The following EDN3 variants were observed in gnomAD, a reference collection of about 807,000 sequenced individuals.
EDN3 encodes endothelin-3.
Under a neutral mutation model 21.4 loss-of-function variants are expected in EDN3, and 9 were observed. The observed-to-expected ratio is 0.42, with a 90% CI of 0.25 to 0.73. The LOEUF is 0.73. Among genes scored for constraint, EDN3 ranks in the 30% least tolerant of loss-of-function variants. The pLI is 0.26. For missense variants in EDN3, 327 were observed against 309.4 expected (o/e 1.06, Z -0.43); for synonymous variants, 133 against 126.2 (o/e 1.05, Z -0.36).
chr20:59,311,997 T>C (rs1039324309), intron 2 of EDN3, among the ~76,000 whole-genome samples: 2 of 152,134 alleles, frequency 1.3e-5, no homozygotes, highest in South Asian at 2.1e-4. Context: ...TTCTCTTGCT[T>C]TCTTTAAATT....
chr20:59,313,265 G>T (rs1169461575), intron 2 of EDN3, among the ~76,000 whole-genome samples: 1 of 152,310 alleles, frequency 6.6e-6, no homozygotes, highest in Middle Eastern at 3.4e-3. Flanking sequence ...AGCCAGACAT[G>T]GTGTCAGCTG....
rs3026576 is a variant in EDN3 at position 59,324,611 on chromosome 20, G to C, written c.*152G>C. ...CCACTTAACAATACCCCCCCCCCACGGCAAGAATGCCCAAATCCGAATGAC... is the reference window on the plus strand; with the variant it reads ...CCACTTAACAATACCCCCCCCCCACCGCAAGAATGCCCAAATCCGAATGAC... On this transcript the variant is annotated 3_prime_UTR_variant, in exon 5 of 5. Transcript: ENST00000337938. The C allele has an allele frequency of 4.8e-6, 5 of 1,040,400 alleles. No homozygotes were observed. In the Admixed American group the frequency reaches 6.4e-5, roughly 13 times the overall value. The allele number at this position is 1,040,400 out of a possible 1,614,324, so 64.4% of individuals were successfully genotyped here. A position where few individuals can be genotyped will look rare whatever the true frequency, so the allele number is the denominator to read the frequency against.
At chr20:59,321,680 A>G (rs1990558420) in intron 3 of EDN3, among the ~76,000 whole-genome samples, 1 of 152,186 alleles carries the variant, frequency 6.6e-6, no homozygotes, top group African/African-American at 2.4e-5. Flanking sequence ...CTCAGCTGGA[A>G]CTGAGTGGGG....
chr20:59,322,668 G>A lies in EDN3; in HGVS notation c.588+251G>A, dbSNP rs1442600402. Among the ~76,000 whole-genome samples, 2 of 152,128 alleles carry A rather than the reference G, an allele frequency of 1.3e-5. No homozygotes were observed. Among genetic ancestry groups the A allele is most frequent in the Non-Finnish European group, 2.9e-5 (2 of 68,028 alleles). ...CTGGCCACCCTGCTCTGTGTCCTGG[G>A]AGCCAGCCCTTGCATCCCTTGTAGC... is the stretch of plus-strand genomic sequence containing the variant. On this transcript the variant is annotated intron_variant, in intron 4 of 4. Coordinates refer to ENST00000337938, the MANE Select transcript of EDN3 (RefSeq NM_207034.3). This position sits in a 1 kb window ranked among gnomAD's most constrained non-coding sequence, Gnocchi z 4.1.
At chr20:59,306,208 G>A (rs1486347031) in intron 2 of EDN3, among the ~76,000 whole-genome samples, 3 of 152,148 alleles carry the variant, frequency 2.0e-5, no homozygotes, top group African/African-American at 7.2e-5. Context: ...GACACACATG[G>A]GCTGGCAGAT....
At chr20:59,318,552 C>T (rs1369980151) in intron 2 of EDN3, among the ~76,000 whole-genome samples, 1 of 152,216 alleles carries the variant, frequency 6.6e-6, no homozygotes, top group Admixed American at 6.5e-5. Context: ...CAGCTTCCCT[C>T]ACCTCCGCAC....
intron 2 of EDN3, among the ~76,000 whole-genome samples, chr20:59,312,061 C>T (rs1333126670): frequency 1.3e-5 from 2 of 152,094 alleles, no homozygotes; most frequent in African/African-American, 2.4e-5. Context: ...TTGCACATAA[C>T]CCCATCCTTA....
At chr20:59,311,257 C>G (rs528419088) in intron 2 of EDN3, among the ~76,000 whole-genome samples, 4 of 152,158 alleles carry the variant, frequency 2.6e-5, no homozygotes, top group African/African-American at 9.6e-5. Context: ...GGGTCCCGAT[C>G]CAGACCCCAA....
chr20:59,314,130 C>G (rs543506579), intron 2 of EDN3, among the ~76,000 whole-genome samples: 59 of 152,288 alleles, frequency 3.9e-4, no homozygotes, highest in African/African-American at 1.3e-3. Context: ...AGGGGCATAG[C>G]CTGCTTCCAC....
chr20:59,318,278 C>T (rs1309063843), intron 2 of EDN3, among the ~76,000 whole-genome samples: 2 of 152,068 alleles, frequency 1.3e-5, no homozygotes, highest in Non-Finnish European at 2.9e-5. Context: ...TGTGGGATGG[C>T]GCAGGATAGC....
chr20:59,323,545 A>C (rs749088998), intron 4 of EDN3: 2 of 398,854 alleles, frequency 5.0e-6, no homozygotes, highest in Non-Finnish European at 8.8e-6. Flanking sequence ...GGATGCAGAC[A>C]GCAAACATGT....
chr20:59,305,645 T>C lies in EDN3; in HGVS notation c.365+3923T>C, dbSNP rs769271377. On this transcript the variant is annotated intron_variant, in intron 2 of 4. Coordinates refer to ENST00000337938, the MANE Select transcript of EDN3 (RefSeq NM_207034.3). This position sits in a 1 kb window ranked among gnomAD's most constrained non-coding sequence, Gnocchi z 4.2. ...GAGACAAAGAGCAATTTTCAGAATT[T>C]GGCTTACATGATTGTGGGGGCTGGC... is the stretch of plus-strand genomic sequence containing the variant. 5.3e-5 allele frequency among the ~76,000 whole-genome samples: 8 copies of C among 152,234 alleles called. No individual in the cohort carries two copies. Among genetic ancestry groups the C allele is most frequent in the Non-Finnish European group, 1.2e-4 (8 of 68,042 alleles).
chr20:59,312,059 A>C (rs989632134), intron 2 of EDN3, among the ~76,000 whole-genome samples: 31 of 152,216 alleles, frequency 2.0e-4, no homozygotes, highest in African/African-American at 7.0e-4. Flanking sequence ...CTTTGCACAT[A>C]ACCCCATCCT....
chr20:59,303,935 C>T (rs1182061964), intron 2 of EDN3, among the ~76,000 whole-genome samples: 2 of 152,188 alleles, frequency 1.3e-5, no homozygotes, highest in African/African-American at 4.8e-5. Flanking sequence ...ACAAAAACGA[C>T]AATAGCCAGA....
At chr20:59,312,953 T>C (rs1417942809) in intron 2 of EDN3, among the ~76,000 whole-genome samples, 1 of 152,180 alleles carries the variant, frequency 6.6e-6, no homozygotes, top group African/African-American at 2.4e-5. Context: ...TCTGGTACCT[T>C]ACCCATCTAC....
rs11570303 is a variant in EDN3 at position 59,311,543 on chromosome 20, G to A, written c.366-9474G>A. Among the ~76,000 whole-genome samples the A allele has an allele frequency of 1.4e-3, 211 of 152,232 alleles. 6 individuals are homozygous for A. In the East Asian group the frequency reaches 0.034, roughly 25 times the overall value. On this transcript the variant is annotated intron_variant, in intron 2 of 4. Transcript: ENST00000337938. The stretch of plus-strand genomic sequence containing the variant: ...CATGGCATTTGTAAACTGTCATGGC[G>A]CTGGTGGGAGTGTCTTTTAGTGGCT...
rs1427719629 is a variant in EDN3 at position 59,305,522 on chromosome 20, C to T, written c.365+3800C>T. ...TATGCATATATCAGAAGTGCGGTTGCCAAAGGAAATATTTGGTTGCTCTTG... is the reference window on the plus strand; with the variant it reads ...TATGCATATATCAGAAGTGCGGTTGTCAAAGGAAATATTTGGTTGCTCTTG... On this transcript the variant is annotated intron_variant, in intron 2 of 4. Transcript: ENST00000337938. The surrounding 1 kb of genome is among the most constrained non-coding windows in gnomAD (Gnocchi z 4.2). 6.6e-6 allele frequency among the ~76,000 whole-genome samples: 1 copy of T among 152,056 alleles called. No homozygotes were observed. Among genetic ancestry groups the T allele is most frequent in the Non-Finnish European group, 1.5e-5 (1 of 68,026 alleles).
At chr20:59,319,743 GAAAAAAAAGAAAA>G (rs1568842118) in intron 2 of EDN3, among the ~76,000 whole-genome samples, 4 of 137,654 alleles carry the variant, frequency 2.9e-5, no homozygotes, top group Non-Finnish European at 4.6e-5. Flanking sequence ...AAAAAAAAAA[GAAAAAAAAGAAAA>G]AAAGAAAAGA....
chr20:59,301,467 C>T lies in EDN3; in HGVS notation c.110C>T (p.Pro37Leu). 8 of 1,613,402 alleles carry T rather than the reference C, an allele frequency of 5.0e-6. No homozygotes were observed. Among genetic ancestry groups the T allele is most frequent in the Non-Finnish European group, 6.8e-6 (8 of 1,179,984 alleles). ...DAGRRGVSQA[P>L]TAARSEGDCE... ...GGCAGGCGCGGCGTGTCCCAGGCCC[C>T]CACTGCAGCCAGATCTGAGGGGGAC... is the stretch of plus-strand genomic sequence containing the variant. Residue 37 changes from proline (P) to leucine (L), a missense_variant, in exon 2 of 5, where the codon CCC (proline) becomes CTC (leucine). By Grantham distance (98) the Pro-to-Leu change is moderately conservative. Transcript: ENST00000337938.
Sources: allele counts gnomAD v4.1 joint callset (sites outside exome capture counted in the v4.1 genomes callset), GRCh38; gene constraint gnomAD v4.1.1; non-coding constraint Gnocchi (gnomAD v3.1); transcripts MANE v1.5; gene names NCBI Gene and HGNC (gene_info 2026-07-23, HGNC 2026-07-21).